USP34: variants seen among roughly 807,000 people sequenced by gnomAD.
USP34 encodes the protein ubiquitin specific peptidase 34, also known as ubiquitin carboxyl-terminal hydrolase 34.
A neutral mutation model predicts 460.3 loss-of-function variants in USP34; 70 were observed. The observed-to-expected ratio is 0.15, with a 90% CI of 0.13 to 0.19. USP34 has a LOEUF of 0.19. USP34 is among the 10% of genes least tolerant of loss of function. The pLI is 1.00. For synonymous variants in USP34, 1,647 were observed against 1,405.3 expected (o/e 1.17, Z -3.85); for missense variants, 3,985 against 4,236.2 (o/e 0.94, Z 1.65).
chr2:61,384,398 G>A (rs550426480), intron 5 of USP34, among the ~76,000 whole-genome samples: 49 of 152,208 alleles, frequency 3.2e-4, no homozygotes, highest in Admixed American at 1.0e-3. Context: ...GGACAGGCGC[G>A]GTGGCTCATG....
At chr2:61,325,521 GT>G in intron 20 of USP34, 64 bp from the exon 21 acceptor site, 1 of 1,026,658 alleles carries the variant, frequency 9.7e-7, no homozygotes, top group Non-Finnish European at 1.4e-6. Context: ...TAAAAATTTA[GT>G]GGTCCTATGC....
At chr2:61,268,496 G>A (rs1335422240) in intron 41 of USP34, among the ~76,000 whole-genome samples, 3 of 127,556 alleles carry the variant, frequency 2.4e-5, no homozygotes, top group South Asian at 2.5e-4. Flanking sequence ...TCCCTTTCTC[G>A]CCATGTGACA....
In USP34 at chr2:61,224,711, A is replaced by C. The variant is rs1344291339; in HGVS notation, c.7596-1415T>G. Among the ~76,000 whole-genome samples the C allele has an allele frequency of 3.3e-5, 5 of 152,220 alleles. No individual in the cohort carries two copies. The South Asian group carries it at 1.0e-3, about 32-fold the overall frequency. ...TTCCTAATATACTCCAAAAGTTGCAAGTAAACTAAAAAAAAATTTCTTTTT... is the reference window on the plus strand; with the variant it reads ...TTCCTAATATACTCCAAAAGTTGCACGTAAACTAAAAAAAAATTTCTTTTT... On this transcript the variant is annotated intron_variant, in intron 62 of 79. Transcript: ENST00000398571.
chr2:61,292,363 C>G (rs2103617631), intron 33 of USP34, among the ~76,000 whole-genome samples: 1 of 152,212 alleles, frequency 6.6e-6, no homozygotes, highest in Non-Finnish European at 1.5e-5. Flanking sequence ...CTTAGACATG[C>G]TTTGCATCTT....
At chr2:61,442,493 CAAAT>C (rs1457827380) in intron 1 of USP34, among the ~76,000 whole-genome samples, 1 of 149,868 alleles carries the variant, frequency 6.7e-6, no homozygotes, top group African/African-American at 2.5e-5. Context: ...AAATGGCCAA[CAAAT>C]ATGTGAAAAA....
At chr2:61,440,510 C>T (rs1465318083) in intron 1 of USP34, among the ~76,000 whole-genome samples, 2 of 151,460 alleles carry the variant, frequency 1.3e-5, no homozygotes, top group South Asian at 2.1e-4. Context: ...AAAAGTTGCC[C>T]TTTTTAAATT....
chr2:61,314,623 G>C lies in USP34; in HGVS notation c.3504C>G (p.Leu1168=). 1.3e-6 allele frequency: 2 copies of C among 1,579,752 alleles called. No homozygotes were observed. The highest frequency in any genetic ancestry group is 1.7e-6 in the Non-Finnish European group (2 of 1,168,916). The change falls in exon 25 of 80, where the codon CTC becomes CTG. Residue 1168 remains leucine, a synonymous_variant. Coordinates refer to ENST00000398571, the MANE Select transcript of USP34 (RefSeq NM_014709.4). The part of the protein sequence containing the change: ...HSSLMVIERG[L]LMLKTHLEAF... ...CTTCCAGATGTGTCTTCAGCATAAG[G>C]AGTCCTCTTTCTATAACCATGAGAC... is the stretch of plus-strand genomic sequence containing the variant.
intron 5 of USP34, among the ~76,000 whole-genome samples, chr2:61,393,540 G>C (rs1472997933): frequency 1.3e-5 from 2 of 151,630 alleles, no homozygotes; most frequent in Non-Finnish European, 2.9e-5. Flanking sequence ...AAATGACCTT[G>C]ATAGTAATCA....
At position 61,278,231 on chromosome 2, in the gene USP34, T is replaced by C. The variant is rs954907805; in HGVS notation, c.5367A>G (p.Gly1789=). The C allele has an allele frequency of 6.2e-7, 1 of 1,613,644 alleles. No homozygotes were observed. The highest frequency in any genetic ancestry group is 8.5e-7 in the Non-Finnish European group (1 of 1,179,796). ...DGNVEDDGLT[G]LLRLATSVVK... is the part of the protein sequence containing the mutation. ...CAACACTTGTTGCAAGCCTTAGGAG[T>C]CCTGTAAGCCCATCATCTTCTACAT... The change falls in exon 41 of 80, where the codon GGA becomes GGG. Residue 1789 remains glycine, a synonymous_variant. Transcript: ENST00000398571.
At chr2:61,369,194 G>A (rs552948455) in intron 10 of USP34, among the ~76,000 whole-genome samples, 3 of 152,272 alleles carry the variant, frequency 2.0e-5, no homozygotes, top group South Asian at 4.1e-4. Flanking sequence ...TGAAACTGCC[G>A]TACCAGTATC....
chr2:61,367,400 A>G (rs959502263), intron 10 of USP34, among the ~76,000 whole-genome samples: 1 of 152,182 alleles, frequency 6.6e-6, no homozygotes, highest in Admixed American at 6.5e-5. Context: ...GGCTCACTTG[A>G]GCCCAGAAGT....
chr2:61,193,923 G>GCA, intron 75 of USP34: 1 of 183,184 alleles, frequency 5.5e-6, no homozygotes, highest in Non-Finnish European at 1.0e-5. Context: ...TAAGGAAATG[G>GCA]GTGTGGCTGT....
intron 34 of USP34, among the ~76,000 whole-genome samples, chr2:61,285,631 T>C (rs1163513301): frequency 6.6e-6 from 1 of 152,182 alleles, no homozygotes; most frequent in East Asian, 1.9e-4. Context: ...TATATACATG[T>C]CAGTGGTTTC....
At chr2:61,256,135 G>T (rs1197121522) in intron 48 of USP34, among the ~76,000 whole-genome samples, 1 of 152,130 alleles carries the variant, frequency 6.6e-6, no homozygotes, top group Non-Finnish European at 1.5e-5. Context: ...TATCGTCCAT[G>T]TATCTGCTCC....
At chr2:61,211,734 T>G in intron 69 of USP34, 38 bp downstream of exon 69, 2 of 1,521,732 alleles carry the variant, frequency 1.3e-6, no homozygotes, top group Non-Finnish European at 1.7e-6. Flanking sequence ...CTCATCTCAC[T>G]GGAAATAAAC....
At chr2:61,414,746 G>C (rs1385313738) in intron 2 of USP34, among the ~76,000 whole-genome samples, 2 of 152,208 alleles carry the variant, frequency 1.3e-5, no homozygotes, top group Non-Finnish European at 2.9e-5. Context: ...CAAGGACCCA[G>C]TTACAGAATT....
chr2:61,224,758 T>C (rs756168569), intron 62 of USP34, among the ~76,000 whole-genome samples: 8 of 152,198 alleles, frequency 5.3e-5, no homozygotes, highest in Non-Finnish European at 1.0e-4. Context: ...ACTCATGGAT[T>C]TAAACATCTT....
At chr2:61,400,986 C>G (rs1693699930) in intron 3 of USP34, among the ~76,000 whole-genome samples, 10 of 151,784 alleles carry the variant, frequency 6.6e-5, no homozygotes, top group Admixed American at 6.6e-4. Flanking sequence ...CCTGTCTCTA[C>G]TAAAAATACA....
intron 16 of USP34, among the ~76,000 whole-genome samples, chr2:61,340,716 T>TAC (rs1472860700): frequency 6.6e-6 from 1 of 152,206 alleles, no homozygotes; most frequent in Admixed American, 6.5e-5. Context: ...GCCATGTGTA[T>TAC]ACCTCTTTGG....
Sources: allele counts gnomAD v4.1 joint callset (sites outside exome capture counted in the v4.1 genomes callset), GRCh38; gene constraint gnomAD v4.1.1; transcripts MANE v1.5; gene names NCBI Gene and HGNC (gene_info 2026-07-23, HGNC 2026-07-21).